Variants in CTIF observed in about 807,000 individuals in gnomAD.
CTIF encodes the protein cap binding complex dependent translation initiation factor.
A neutral mutation model predicts 66.0 loss-of-function variants in CTIF; 21 were observed. The observed-to-expected ratio is 0.32, with a 90% CI of 0.23 to 0.46. CTIF has a LOEUF of 0.46. Among genes scored for constraint, CTIF ranks in the 20% least tolerant of loss-of-function variants. The pLI, the probability that CTIF is intolerant of heterozygous loss-of-function variation, is 1.00. For synonymous variants in CTIF, 345 were observed against 326.4 expected (o/e 1.06, Z -0.62); for missense variants, 739 against 812.7 (o/e 0.91, Z 1.10).
chr18:48,765,870 G>C (rs1443857168), intron 9 of CTIF, among the ~76,000 whole-genome samples: 1 of 150,408 alleles, frequency 6.6e-6, no homozygotes, highest in African/African-American at 2.4e-5. Flanking sequence ...TTTATTAGTA[G>C]TGTCCTTGTA....
chr18:48,816,910 G>A (rs559042500), intron 9 of CTIF, among the ~76,000 whole-genome samples: 25 of 152,306 alleles, frequency 1.6e-4, no homozygotes, highest in South Asian at 6.2e-4. Context: ...GTCACCTCCC[G>A]TTCTACCTCA....
chr18:48,720,284 A>T (rs1172790014), intron 7 of CTIF, among the ~76,000 whole-genome samples: 2 of 151,680 alleles, frequency 1.3e-5, no homozygotes, highest in East Asian at 3.9e-4. Flanking sequence ...GACGGGGGGG[A>T]TGCTTCTTCC....
In CTIF at chr18:48,837,470, GCTGGGGGAAGCAC is replaced by G. The variant is rs1353992850; in HGVS notation, c.1527+20098_1528-20102del. 2.6e-5 allele frequency among the ~76,000 whole-genome samples: 4 copies of G among 152,150 alleles called. No homozygotes were observed. In the East Asian group the frequency reaches 7.7e-4, roughly 29 times the overall value. Reference sequence around the variant, plus strand: ...GGAGCTGGGGAGGGCTGAGGTCTGGGCTGGGGGAAGCACCTGAAGGCAGGGGTGGAAGCTATGG... The same window carrying G: ...GGAGCTGGGGAGGGCTGAGGTCTGGGCTGAAGGCAGGGGTGGAAGCTATGG... On this transcript the variant is annotated intron_variant, in intron 10 of 11. Transcript: ENST00000256413.
chr18:48,630,216 A>G (rs1301336027), intron 2 of CTIF, among the ~76,000 whole-genome samples: 2 of 151,966 alleles, frequency 1.3e-5, no homozygotes, highest in African/African-American at 4.8e-5. Flanking sequence ...CTGTTACAGG[A>G]TCACAAACAG....
intron 1 of CTIF, among the ~76,000 whole-genome samples, chr18:48,553,584 G>T (rs1226668845): frequency 6.6e-6 from 1 of 152,014 alleles, no homozygotes; most frequent in Non-Finnish European, 1.5e-5. Flanking sequence ...CATTAGAAAA[G>T]TTTACTTAAT....
At chr18:48,764,665 C>T (rs1441742910) in intron 9 of CTIF, among the ~76,000 whole-genome samples, 2 of 152,190 alleles carry the variant, frequency 1.3e-5, no homozygotes, top group Non-Finnish European at 2.9e-5. Flanking sequence ...TCCTCCTCTC[C>T]TCCCCCACAG....
At chr18:48,623,450 G>A (rs2090534142) in intron 2 of CTIF, among the ~76,000 whole-genome samples, 1 of 152,112 alleles carries the variant, frequency 6.6e-6, no homozygotes, top group East Asian at 1.9e-4. Flanking sequence ...GGAAGGCCAG[G>A]GTTAGCTGTG....
At chr18:48,750,456 G>A (rs556874229) in intron 7 of CTIF, among the ~76,000 whole-genome samples, 1 of 152,360 alleles carries the variant, frequency 6.6e-6, no homozygotes, top group East Asian at 1.9e-4. Context: ...GGTGGCAGGA[G>A]TCTGCACGCT....
At chr18:48,825,183 C>T (rs981460959) in intron 10 of CTIF, among the ~76,000 whole-genome samples, 2 of 152,158 alleles carry the variant, frequency 1.3e-5, no homozygotes, top group African/African-American at 4.8e-5. Context: ...CTGTACCCAC[C>T]TCCTGATCCC....
At chr18:48,542,254 T>C (rs1433438300) in intron 1 of CTIF, among the ~76,000 whole-genome samples, 1 of 152,232 alleles carries the variant, frequency 6.6e-6, no homozygotes, top group African/African-American at 2.4e-5. Context: ...ACCAGAATCA[T>C]ATGTGCATAT....
intron 9 of CTIF, among the ~76,000 whole-genome samples, chr18:48,814,079 T>C (rs958411696): frequency 3.9e-5 from 6 of 152,218 alleles, no homozygotes; most frequent in Admixed American, 3.3e-4. Flanking sequence ...CTTTAGTTAA[T>C]GATGTCACCT....
intron 1 of CTIF, among the ~76,000 whole-genome samples, chr18:48,582,453 G>A (rs915980586): frequency 3.9e-5 from 6 of 152,094 alleles, no homozygotes; most frequent in African/African-American, 1.4e-4. Context: ...GGCTTTCTGG[G>A]GGCCTCATGC....
At chr18:48,552,396 C>T (rs891828556) in intron 1 of CTIF, among the ~76,000 whole-genome samples, 4 of 152,188 alleles carry the variant, frequency 2.6e-5, no homozygotes, top group Non-Finnish European at 5.9e-5. Context: ...TCCATTTGGG[C>T]TGCTATAGCA....
chr18:48,749,132 A>G (rs1254103317), intron 7 of CTIF, among the ~76,000 whole-genome samples: 2 of 152,198 alleles, frequency 1.3e-5, no homozygotes, highest in Admixed American at 6.5e-5. Flanking sequence ...CCACCACACC[A>G]AGGTGGTAAG....
chr18:48,838,777 C>T (rs2068870317), intron 10 of CTIF, among the ~76,000 whole-genome samples: 1 of 152,212 alleles, frequency 6.6e-6, no homozygotes, highest in Non-Finnish European at 1.5e-5. Flanking sequence ...AAGGGACAGG[C>T]AGCAATAGTG....
rs115043728 is a variant in CTIF, at chr18:48,728,584, C to T, written c.584+16889C>T. ...CATCTGACACTTGACTCAGATGGGA[C>T]TGGAAGAGCCACTTCCCAGCTCACG... On this transcript the variant is annotated intron_variant, in intron 7 of 11. Coordinates refer to ENST00000256413, the MANE Select transcript of CTIF (RefSeq NM_014772.3). 5.1e-3 allele frequency among the ~76,000 whole-genome samples: 771 copies of T among 152,240 alleles called. 5 individuals carry two copies. The highest frequency in any genetic ancestry group is 0.018 in the African/African-American group (740 of 41,530).
chr18:48,598,301 ACTT>A (rs768428651), intron 1 of CTIF, among the ~76,000 whole-genome samples: 54 of 152,322 alleles, frequency 3.5e-4, no homozygotes, highest in Non-Finnish European at 5.7e-4. Context: ...TAGCCTGTGA[ACTT>A]CTGCTCATTC....
At chr18:48,600,807 A>G (rs1004743432) in intron 1 of CTIF, among the ~76,000 whole-genome samples, 1 of 152,096 alleles carries the variant, frequency 6.6e-6, no homozygotes, top group Non-Finnish European at 1.5e-5. Flanking sequence ...TTTTGCAGCC[A>G]AACCAGTTCT....
chr18:48,761,561 C>A lies in CTIF; in HGVS notation c.1243C>A (p.Arg415Ser). 1 of 1,614,190 alleles carries A rather than the reference C, an allele frequency of 6.2e-7. No individual in the cohort carries two copies. The highest frequency in any genetic ancestry group is 8.5e-7 in the Non-Finnish European group (1 of 1,180,044). ...CGAGGAGATGCTGGGCGAGATCGTG[C>A]GCACAATCTACCAGAAGGCTGTGTC... is the stretch of plus-strand genomic sequence containing the variant. ...NSEEMLGEIV[R>S]TIYQKAVSDR... Residue 415 changes from arginine to serine, a missense_variant, in exon 9 of 12, where the codon CGC becomes AGC. By Grantham distance (110) the Arg-to-Ser change is moderately radical. Coordinates refer to ENST00000256413, the MANE Select transcript of CTIF (RefSeq NM_014772.3). The surrounding 1 kb of genome is among the most constrained non-coding windows in gnomAD (Gnocchi z 4.2).
Sources: allele counts gnomAD v4.1 joint callset (sites outside exome capture counted in the v4.1 genomes callset), GRCh38; gene constraint gnomAD v4.1.1; non-coding constraint Gnocchi (gnomAD v3.1); transcripts MANE v1.5; gene names NCBI Gene and HGNC (gene_info 2026-07-23, HGNC 2026-07-21).